Variants in TBC1D10A observed in about 807,000 individuals in gnomAD.
TBC1D10A encodes the protein EBP50-PDX interactor of 64 kDa.
A neutral mutation model predicts 52.9 loss-of-function variants in TBC1D10A; 24 were observed. That is an observed-to-expected ratio of 0.45 (90% CI 0.33 to 0.64). The LOEUF (loss-of-function observed/expected upper bound fraction) is 0.64. Ranked by LOEUF, TBC1D10A falls within the 30% of genes least tolerant of loss-of-function variation. TBC1D10A has a pLI of 0.02. For synonymous variants in TBC1D10A, 278 were observed against 282.9 expected, an observed-to-expected ratio of 0.98 and a Z score of 0.17; for missense variants, 602 against 687.9, an observed-to-expected ratio of 0.88 and a Z score of 1.40.
intron 2 of TBC1D10A, among the ~76,000 whole-genome samples, 178 bp downstream of exon 2, chr22:30,304,353 C>A (rs953204628): frequency 2.0e-5 from 3 of 152,152 alleles, no homozygotes; most frequent in Non-Finnish European, 1.5e-5. Context: ...TGTGTTAGGG[C>A]CCAACCTTCC....
intron 1 of TBC1D10A, 72 bp from the exon 2 acceptor site, chr22:30,304,702 C>A: frequency 6.4e-7 from 1 of 1,568,560 alleles, no homozygotes; most frequent in Non-Finnish European, 8.6e-7. Flanking sequence ...TCCCAGCCGC[C>A]AGCCTGGTCA....
At chr22:30,318,587 T>G in intron 1 of TBC1D10A, 1 of 470,812 alleles carries the variant, frequency 2.1e-6, no homozygotes, top group South Asian at 1.5e-5. Flanking sequence ...CTTGCTTCCC[T>G]GTAGCCAGAG....
intron 3 of TBC1D10A, 70 bp downstream of exon 3, chr22:30,299,374 A>G: frequency 6.9e-7 from 1 of 1,457,292 alleles, no homozygotes; most frequent in Non-Finnish European, 9.6e-7. Context: ...GAGCACATGG[A>G]GGATTGCCGC....
intron 1 of TBC1D10A, chr22:30,318,630 C>A (rs990570709): frequency 2.1e-6 from 1 of 471,174 alleles, no homozygotes; most frequent in African/African-American, 2.0e-5. Flanking sequence ...GAGGCCAAAG[C>A]CACTTCAGCT....
chr22:30,316,875 C>T (rs983168707), intron 1 of TBC1D10A, among the ~76,000 whole-genome samples: 2 of 151,906 alleles, frequency 1.3e-5, no homozygotes, highest in African/African-American at 4.8e-5. Context: ...TCTGTCTCTA[C>T]AAAAAGTAAA....
rs73404596 is a variant in TBC1D10A at position 30,313,926 on chromosome 22, G to A, written c.210-9296C>T. ...CTGAGCACAGATCTGCTTGATGATGGCATTTTATAACATTACAATTCTAAT... is the reference window on the plus strand; with the variant it reads ...CTGAGCACAGATCTGCTTGATGATGACATTTTATAACATTACAATTCTAAT... On this transcript the variant is annotated intron_variant, in intron 1 of 8. Coordinates refer to ENST00000215790, the MANE Select transcript of TBC1D10A (RefSeq NM_031937.3). Among the ~76,000 whole-genome samples, 1,470 of 152,082 alleles carry A rather than the reference G, an allele frequency of 9.7e-3. 22 individuals carry two copies. The highest frequency in any genetic ancestry group is 0.033 in the African/African-American group (1,379 of 41,460).
chr22:30,300,530 C>T, intron 2 of TBC1D10A: 1 of 152,034 alleles, frequency 6.6e-6, no homozygotes, highest in Non-Finnish European at 1.5e-5. Flanking sequence ...GGGCATTGCA[C>T]TGTGTGCGGC....
intron 2 of TBC1D10A, among the ~76,000 whole-genome samples, chr22:30,300,307 G>C (rs371786308): frequency 5.3e-4 from 80 of 152,186 alleles, no homozygotes; most frequent in African/African-American, 1.8e-3. Context: ...AAATTAGCCA[G>C]GCATGGTGGT....
At chr22:30,313,603 A>T (rs796648820) in intron 1 of TBC1D10A, among the ~76,000 whole-genome samples, 4 of 104,424 alleles carry the variant, frequency 3.8e-5, no homozygotes, top group African/African-American at 1.6e-4. Context: ...GGGTTTCACC[A>T]TGTTGGCCAG....
Position 30,313,439 on chromosome 22 carries a change from A to C in TBC1D10A, c.210-8809T>G, listed in dbSNP as rs1274157047. On this transcript the variant is annotated intron_variant, in intron 1 of 8. Coordinates refer to ENST00000215790, the MANE Select transcript of TBC1D10A (RefSeq NM_031937.3). The stretch of plus-strand genomic sequence containing the variant: ...TGCTCTGTCGCCCAGGCTGGAGTGC[A>C]GTGGCGCAATCTCGACTCACTGCAA... Among the ~76,000 whole-genome samples, 4 of 149,996 alleles carry C rather than the reference A, an allele frequency of 2.7e-5. No individual in the cohort carries two copies. In the East Asian group the frequency reaches 5.9e-4, roughly 22 times the overall value.
intron 1 of TBC1D10A, among the ~76,000 whole-genome samples, chr22:30,307,554 GT>G (rs1930334342): frequency 6.6e-6 from 1 of 152,072 alleles, no homozygotes; most frequent in Non-Finnish European, 1.5e-5. Context: ...GCACACACAT[GT>G]TTATCCCTCA....
intron 1 of TBC1D10A, among the ~76,000 whole-genome samples, chr22:30,308,076 G>A (rs4820002): frequency 0.088 from 13,422 of 152,308 alleles, 790 homozygotes; most frequent in Middle Eastern, 0.15. Flanking sequence ...GATTACAGGC[G>A]TGAGCCACAG....
At chr22:30,300,129 C>T (rs191697808) in intron 2 of TBC1D10A, among the ~76,000 whole-genome samples, 1 of 151,816 alleles carries the variant, frequency 6.6e-6, no homozygotes, top group East Asian at 2.0e-4. Flanking sequence ...AATTCCAGAC[C>T]CTCATAACTA....
chr22:30,313,234 G>A (rs377560112), intron 1 of TBC1D10A, among the ~76,000 whole-genome samples: 8 of 152,304 alleles, frequency 5.3e-5, no homozygotes, highest in Admixed American at 2.0e-4. Flanking sequence ...GGGCTGTTCT[G>A]CAGAGGCAGC....
chr22:30,304,496 A>G (rs1930269948), intron 2 of TBC1D10A, 35 bp downstream of exon 2: 2 of 1,612,560 alleles, frequency 1.2e-6, no homozygotes, highest in Non-Finnish European at 1.7e-6. Flanking sequence ...CAAGCTGCCA[A>G]CTCCCAGCCC....
intron 6 of TBC1D10A, 50 bp downstream of exon 6, chr22:30,294,746 C>T: frequency 1.9e-6 from 3 of 1,611,530 alleles, no homozygotes; most frequent in Non-Finnish European, 1.7e-6. Flanking sequence ...CCTGGAGGGG[C>T]CACAGAGGGT....
At position 30,299,491 on chromosome 22, in the gene TBC1D10A, G is replaced by A; in HGVS notation, c.370C>T (p.Leu124=). The A allele has an allele frequency of 1.2e-6, 2 of 1,614,216 alleles. No individual in the cohort carries two copies. The highest frequency in any genetic ancestry group is 1.7e-6 in the Non-Finnish European group (2 of 1,180,030). ...TGTAACTTCACCTTGCCTCCTGACA[G>A]GTACTGCCAAGCACGGCCCCGCAGA... ...PSLRGRAWQY[L]SGGKVKLQQN... is the part of the protein sequence containing the mutation. Residue 124 remains leucine, a synonymous_variant, in exon 3 of 9, where the codon CTG becomes TTG. Transcript: ENST00000215790.
rs755955535 is a variant in TBC1D10A, at chr22:30,294,954, T to C, written c.626A>G (p.His209Arg). The change falls in exon 5 of 9, where the codon CAT (histidine) becomes CGT (arginine). Residue 209 changes from histidine (H) to arginine (R), a missense_variant. By Grantham distance (29) the His-to-Arg change is conservative. Around this residue, in one of 3 missense-constraint regions of TBC1D10A, gnomAD observed 136 missense variants for 208.4 expected, o/e 0.65. Coordinates refer to ENST00000215790, the MANE Select transcript of TBC1D10A (RefSeq NM_031937.3). Reference sequence around the variant, plus strand: ...GCCTGGTGGTACCTCAGCAGGCATATGCATGAGCAAGACAGCGGCAATGGG... The same window carrying C: ...GCCTGGTGGTACCTCAGCAGGCATACGCATGAGCAAGACAGCGGCAATGGG... The part of the protein sequence containing the change: ...QAPIAAVLLM[H>R]MPAEQAFWCL... 1.2e-6 allele frequency: 2 copies of C among 1,614,024 alleles called. No homozygotes were observed. Among genetic ancestry groups the C allele is most frequent in the Non-Finnish European group, 1.7e-6 (2 of 1,180,020 alleles).
At chr22:30,292,928 A>C (rs1227784299) in intron 8 of TBC1D10A, 77 bp from the exon 9 acceptor site, 2 of 1,508,836 alleles carry the variant, frequency 1.3e-6, no homozygotes, top group African/African-American at 1.4e-5. Context: ...CTGGGCCCCC[A>C]GTCTTCCTCA....
Sources: gnomAD v4.1 joint callset for allele counts (sites outside exome capture counted in the v4.1 genomes callset) on GRCh38, gnomAD v4.1.1 for gene constraint, gnomAD v4.1.1 regional missense constraint, MANE v1.5 for transcripts, NCBI Gene and HGNC (gene_info 2026-07-23, HGNC 2026-07-21) for gene names.